LRRIQ3: variants seen among roughly 807,000 people sequenced by gnomAD.
The protein encoded by LRRIQ3 is leucine-rich repeat and IQ domain-containing protein 3.
Under a neutral mutation model 59.3 loss-of-function variants are expected in LRRIQ3, and 75 were observed. The observed-to-expected ratio is 1.26, with a 90% CI of 1.05 to 1.53. LRRIQ3 has a LOEUF of 1.53. Ranked by LOEUF, LRRIQ3 falls within the 40% of genes most tolerant of loss-of-function variation. LRRIQ3 has a pLI of 0.00. For synonymous variants in LRRIQ3, 250 were observed against 231.3 expected (o/e 1.08, Z -0.73); for missense variants, 831 against 710.0 (o/e 1.17, Z -1.94).
At chr1:74,101,989 C>A (rs1470321483) in intron 5 of LRRIQ3, among the ~76,000 whole-genome samples, 1 of 151,244 alleles carries the variant, frequency 6.6e-6, no homozygotes, top group Non-Finnish European at 1.5e-5. Flanking sequence ...AGCACACCAA[C>A]ATGGCACATG....
intron 4 of LRRIQ3, among the ~76,000 whole-genome samples, chr1:74,153,165 T>C (rs1464859905): frequency 1.3e-5 from 2 of 152,140 alleles, no homozygotes; most frequent in African/African-American, 2.4e-5. Context: ...ATAGCTGCCT[T>C]TACGTAGGTT....
At chr1:74,043,996 C>T (rs1390599396) in intron 6 of LRRIQ3, among the ~76,000 whole-genome samples, 1 of 152,010 alleles carries the variant, frequency 6.6e-6, no homozygotes, top group African/African-American at 2.4e-5. Flanking sequence ...CTTTTCACGT[C>T]ATATTTTCCT....
chr1:74,051,998 AT>A (rs1654385471), intron 6 of LRRIQ3, among the ~76,000 whole-genome samples: 1 of 152,086 alleles, frequency 6.6e-6, no homozygotes, highest in Non-Finnish European at 1.5e-5. Context: ...AGGTTCCTGA[AT>A]AACTATGAAT....
At chr1:74,041,973 G>A (rs773702376) in intron 6 of LRRIQ3, 40 bp from the exon 7 acceptor site, 38 of 1,446,850 alleles carry the variant, frequency 2.6e-5, no homozygotes, top group Non-Finnish European at 3.4e-5. Flanking sequence ...TTATACAAGA[G>A]CTAAGTACAT....
In LRRIQ3 at chr1:74,180,457, T is replaced by C. The variant is rs577684964; in HGVS notation, c.573+2081A>G. The C allele has an allele frequency of 1.1e-5, 4 of 376,810 alleles. No individual in the cohort carries two copies. In the South Asian group the frequency reaches 2.2e-4, roughly 21 times the overall value. The allele number at this position is 376,810 out of a possible 1,614,324, so 23.3% of individuals were successfully genotyped here. On this transcript the variant is annotated intron_variant, in intron 3 of 7. Coordinates refer to ENST00000354431, the MANE Select transcript of LRRIQ3 (RefSeq NM_001105659.2). ...GTTTTTCATTTCCAATGTCTAGTTA[T>C]TATTTCTTCTTTAATATCCTGCCTC... is the stretch of plus-strand genomic sequence containing the variant.
chr1:74,077,252 TTC>T (rs5775225), intron 5 of LRRIQ3, among the ~76,000 whole-genome samples: 74,196 of 151,332 alleles, frequency 0.49, 19,134 homozygotes, highest in East Asian at 0.82. Flanking sequence ...ATTTGGAAAC[TTC>T]TCTCTGTTTC....
In LRRIQ3 at chr1:74,155,773, G is replaced by A. The variant is rs1648283836; in HGVS notation, c.667C>T (p.Gln223Ter). The change falls in exon 4 of 8, where the codon CAA becomes TAA. Residue 223 changes from glutamine (Q) to a stop codon, truncating the protein, a stop_gained. Transcript: ENST00000354431. LOFTEE classifies it high-confidence loss of function. ...LAHNSPVLIV[Q>*]RWIRGFLVRK... Reference sequence around the variant, plus strand: ...ACTAAGAAACCACGTATCCATCTTTGAACAATCAAAACTGGTGAATTATGA... The same window carrying A: ...ACTAAGAAACCACGTATCCATCTTTAAACAATCAAAACTGGTGAATTATGA... The A allele has an allele frequency of 7.6e-6, 12 of 1,582,976 alleles. No individual in the cohort carries two copies. The highest frequency in any genetic ancestry group is 1.0e-5 in the Non-Finnish European group (12 of 1,168,906).
intron 7 of LRRIQ3, among the ~76,000 whole-genome samples, chr1:74,030,506 G>T (rs1653670768): frequency 6.6e-6 from 1 of 152,066 alleles, no homozygotes; most frequent in South Asian, 2.1e-4. Flanking sequence ...AACAATAAAT[G>T]GGGAAAAGAT....
intron 4 of LRRIQ3, among the ~76,000 whole-genome samples, chr1:74,115,127 C>A (rs1646761042): frequency 6.6e-6 from 1 of 151,930 alleles, no homozygotes; most frequent in South Asian, 2.1e-4. Context: ...ATATTAAAAC[C>A]TAATTTTTAT....
At chr1:74,108,936 C>A in intron 5 of LRRIQ3, 1 of 387,356 alleles carries the variant, frequency 2.6e-6, no homozygotes, top group Non-Finnish European at 5.1e-6. Flanking sequence ...AAATGTCTAG[C>A]ACAGTGCCTG....
intron 5 of LRRIQ3, among the ~76,000 whole-genome samples, chr1:74,080,916 T>C (rs1486185706): frequency 6.6e-6 from 1 of 151,536 alleles, no homozygotes; most frequent in Non-Finnish European, 1.5e-5. Flanking sequence ...GGACTCTGCT[T>C]TCAATAATAA....
intron 4 of LRRIQ3, among the ~76,000 whole-genome samples, chr1:74,126,524 A>G (rs1646938363): frequency 6.6e-6 from 1 of 151,740 alleles, no homozygotes; most frequent in African/African-American, 2.4e-5. Flanking sequence ...CTCTCACTGT[A>G]TTTTATAATA....
At chr1:74,177,604 T>C (rs139318426) in intron 3 of LRRIQ3, among the ~76,000 whole-genome samples, 15 of 152,134 alleles carry the variant, frequency 9.9e-5, no homozygotes, top group African/African-American at 3.6e-4. Context: ...CTGATGTTTG[T>C]TTTGTGTATA....
At chr1:74,073,709 C>A (rs1337430487) in intron 6 of LRRIQ3, among the ~76,000 whole-genome samples, 1 of 151,592 alleles carries the variant, frequency 6.6e-6, no homozygotes, top group African/African-American at 2.4e-5. Flanking sequence ...AGAGTTTGAC[C>A]AATTCATATG....
At chr1:74,192,451 T>C (rs34262710) in intron 1 of LRRIQ3, among the ~76,000 whole-genome samples, 2,920 of 152,190 alleles carry the variant, frequency 0.019, 39 homozygotes, top group Middle Eastern at 0.044. Flanking sequence ...GAAATATGTG[T>C]CTAAAAACAT....
At chr1:74,137,565 C>G (rs185715589) in intron 4 of LRRIQ3, among the ~76,000 whole-genome samples, 2 of 152,104 alleles carry the variant, frequency 1.3e-5, no homozygotes, top group Admixed American at 1.3e-4. Context: ...ACCGGAAATA[C>G]CATTTGACCC....
intron 5 of LRRIQ3, among the ~76,000 whole-genome samples, chr1:74,079,042 T>C (rs1253824305): frequency 2.0e-5 from 3 of 151,840 alleles, no homozygotes; most frequent in African/African-American, 4.8e-5. Flanking sequence ...TTCTCTATTC[T>C]ACAGCTATAA....
intron 4 of LRRIQ3, chr1:74,138,604 G>A: frequency 2.2e-6 from 1 of 462,054 alleles, no homozygotes; most frequent in Non-Finnish European, 2.9e-6. Context: ...CTCTCTTATG[G>A]CTGCTTTCAA....
intron 7 of LRRIQ3, among the ~76,000 whole-genome samples, chr1:74,032,765 G>A (rs542931787): frequency 4.6e-5 from 7 of 152,016 alleles, no homozygotes; most frequent in African/African-American, 1.7e-4. Flanking sequence ...ATAGTCCTGG[G>A]AATCAAGGAG....
Sources: gnomAD v4.1 joint callset for allele counts (sites outside exome capture counted in the v4.1 genomes callset) on GRCh38, gnomAD v4.1.1 for gene constraint, MANE v1.5 for transcripts, NCBI Gene and HGNC (gene_info 2026-07-23, HGNC 2026-07-21) for gene names.